Variants in RGS8 observed in about 807,000 individuals in gnomAD.
RGS8 encodes regulator of G protein signaling 8.
Under a neutral mutation model 21.7 loss-of-function variants are expected in RGS8, and 8 were observed. The ratio of observed to expected loss-of-function variants is 0.37; its 90% CI spans 0.22 to 0.66. RGS8 has a LOEUF of 0.66. Ranked by LOEUF, RGS8 falls within the 30% of genes least tolerant of loss-of-function variation. The pLI is 0.59. For synonymous variants in RGS8, 80 were observed against 83.6 expected (o/e 0.96, Z 0.24); for missense variants, 157 against 217.9 (o/e 0.72, Z 1.76).
At chr1:182,722,363 C>CAAAAA in the RGS8 span, among the ~76,000 whole-genome samples, 9 of 79,410 alleles carry the variant, frequency 1.1e-4, no homozygotes, top group Non-Finnish European at 1.9e-4. Flanking sequence ...AGCAAATTAC[C>CAAAAA]AAAAAAAAAA....
chr1:182,666,892 G>C, exon 4 of RGS8: 1 of 1,614,094 alleles, frequency 6.2e-7, no homozygotes, highest in Non-Finnish European at 8.5e-7. Flanking sequence ...GGTTGGGTTT[G>C]TCTGGAAGAA....
the RGS8 span, among the ~76,000 whole-genome samples, chr1:182,739,891 G>A: frequency 2.6e-5 from 4 of 152,144 alleles, no homozygotes; most frequent in Admixed American, 6.5e-5. Context: ...GGGGGCAAAC[G>A]GCTGTTTTTA....
chr1:182,732,543 T>C, the RGS8 span, among the ~76,000 whole-genome samples: 2 of 152,326 alleles, frequency 1.3e-5, no homozygotes, highest in Non-Finnish European at 2.9e-5. Flanking sequence ...ATTTCATCAA[T>C]AGAATTTAAA....
At chr1:182,736,327 CA>C in the RGS8 span, among the ~76,000 whole-genome samples, 1 of 152,216 alleles carries the variant, frequency 6.6e-6, no homozygotes, top group African/African-American at 2.4e-5. Context: ...GTGTAGCATT[CA>C]CAAATACTAG....
chr1:182,743,087 T>C, the RGS8 span, among the ~76,000 whole-genome samples: 1 of 152,162 alleles, frequency 6.6e-6, no homozygotes, highest in South Asian at 2.1e-4. Context: ...AGATGACCCC[T>C]GAAGACCCTG....
the RGS8 span, among the ~76,000 whole-genome samples, chr1:182,694,820 A>G: frequency 6.6e-6 from 1 of 152,126 alleles, no homozygotes; most frequent in East Asian, 1.9e-4. Flanking sequence ...AAAAAAAAAA[A>G]AAAGTTATCT....
intron 5 of RGS8, among the ~76,000 whole-genome samples, chr1:182,654,778 A>G (rs1193414841): frequency 6.6e-6 from 1 of 152,222 alleles, no homozygotes; most frequent in Non-Finnish European, 1.5e-5. Flanking sequence ...CAATGCACCA[A>G]AAAGGGAGCA....
the RGS8 span, chr1:182,733,952 G>T: frequency 2.0e-5 from 3 of 151,236 alleles, no homozygotes; most frequent in Non-Finnish European, 4.4e-5. Context: ...ATGGAGTCTC[G>T]CTTAGTTGCT....
the RGS8 span, among the ~76,000 whole-genome samples, chr1:182,715,698 C>T: frequency 6.6e-6 from 1 of 152,308 alleles, no homozygotes; most frequent in East Asian, 1.9e-4. Context: ...TTAGACCAAT[C>T]ATGACCCATC....
At chr1:182,677,612 C>A (rs969557340), upstream of RGS8, among the ~76,000 whole-genome samples, 1 of 152,208 alleles carries the variant, frequency 6.6e-6, no homozygotes, top group African/African-American at 2.4e-5. Context: ...TCCAGCTGCT[C>A]AGTGGCTGGG....
Position 182,647,528 on chromosome 1 carries a change from C to T in RGS8, c.360+609G>A, listed in dbSNP as rs538556559. 9.9e-5 allele frequency among the ~76,000 whole-genome samples: 15 copies of T among 152,282 alleles called. No homozygotes were observed. The East Asian group carries it at 2.9e-3, about 29-fold the overall frequency. On this transcript the variant is annotated intron_variant, in intron 6 of 6. Transcript: ENST00000483095. ...ACATTTTTCTTCATTTAAACCCTCC[C>T]CTCCCAAGTGAAATTCTGTATTATA... is the stretch of plus-strand genomic sequence containing the variant.
the RGS8 span, among the ~76,000 whole-genome samples, chr1:182,695,607 C>T: frequency 3.9e-5 from 6 of 152,204 alleles, 1 homozygote; most frequent in Admixed American, 2.6e-4. Context: ...CAGGCACATG[C>T]TGATGCACCT....
At chr1:182,719,608 C>T in the RGS8 span, among the ~76,000 whole-genome samples, 1 of 151,734 alleles carries the variant, frequency 6.6e-6, no homozygotes, top group Non-Finnish European at 1.5e-5. Context: ...CCCCTACCTT[C>T]CCGTAAAGAT....
At chr1:182,677,990 T>C (rs1664422943) in intron 1 of RGS8, among the ~76,000 whole-genome samples, 2 of 152,254 alleles carry the variant, frequency 1.3e-5, no homozygotes, top group Admixed American at 6.5e-5. Context: ...GGACTTTGTG[T>C]TGAATCCTGA....
upstream of RGS8, among the ~76,000 whole-genome samples, chr1:182,673,863 A>G (rs1439817339): frequency 6.6e-6 from 1 of 152,258 alleles, no homozygotes; most frequent in Non-Finnish European, 1.5e-5. Flanking sequence ...AGATATGTTT[A>G]TAGAATAAGG....
chr1:182,693,926 C>T, the RGS8 span, among the ~76,000 whole-genome samples: 1 of 152,092 alleles, frequency 6.6e-6, no homozygotes, highest in Non-Finnish European at 1.5e-5. Context: ...ACATTGAGTA[C>T]ACATGGACAT....
At chr1:182,730,798 T>G in the RGS8 span, among the ~76,000 whole-genome samples, 1 of 152,208 alleles carries the variant, frequency 6.6e-6, no homozygotes, top group Non-Finnish European at 1.5e-5. Context: ...TCTCAATTTT[T>G]TACATGCTTA....
chr1:182,670,335 C>A (rs992338230), intron 2 of RGS8, among the ~76,000 whole-genome samples: 3 of 152,222 alleles, frequency 2.0e-5, no homozygotes, highest in Non-Finnish European at 2.9e-5. Context: ...GCAAGTTACC[C>A]TTTCTTGCCC....
the RGS8 span, among the ~76,000 whole-genome samples, chr1:182,728,164 G>A: frequency 6.6e-6 from 1 of 152,182 alleles, no homozygotes; most frequent in Admixed American, 6.5e-5. Flanking sequence ...CATTGAAGCA[G>A]GCATTAATCT....
Sources: allele counts gnomAD v4.1 joint callset (sites outside exome capture counted in the v4.1 genomes callset), GRCh38; gene constraint gnomAD v4.1.1; transcripts MANE v1.5; gene names NCBI Gene and HGNC (gene_info 2026-07-23, HGNC 2026-07-21).